BCAR3: variants seen among roughly 807,000 people sequenced by gnomAD.
The protein encoded by BCAR3 is breast cancer anti-estrogen resistance protein 3.
Under a neutral mutation model 80.1 loss-of-function variants are expected in BCAR3, and 37 were observed. The ratio of observed to expected loss-of-function variants is 0.46; its 90% confidence interval spans 0.36 to 0.61. The LOEUF is 0.61. Ranked by LOEUF, BCAR3 falls within the 20% of genes least tolerant of loss-of-function variation. The pLI, the probability that BCAR3 is intolerant of heterozygous loss-of-function variation, is 0.00. For missense variants in BCAR3, 978 were observed against 1,068.2 expected, an observed-to-expected ratio of 0.92 and a Z score of 1.18; for synonymous variants, 389 against 418.9, an observed-to-expected ratio of 0.93 and a Z score of 0.87.
intron 2 of BCAR3, among the ~76,000 whole-genome samples, chr1:93,836,258 C>G (rs1654763032): frequency 6.6e-6 from 1 of 152,154 alleles, no homozygotes; most frequent in Non-Finnish European, 1.5e-5. Flanking sequence ...AACTGCATCC[C>G]CAAAACTTGG....
At chr1:93,802,170 T>C (rs755661677) in intron 2 of BCAR3, among the ~76,000 whole-genome samples, 6 of 150,268 alleles carry the variant, frequency 4.0e-5, no homozygotes, top group Non-Finnish European at 8.9e-5. Flanking sequence ...ATTAGCCAGG[T>C]GTGGTGATGT....
intron 2 of BCAR3, among the ~76,000 whole-genome samples, chr1:93,717,766 C>T (rs372991161): frequency 2.3e-4 from 35 of 151,218 alleles, no homozygotes; most frequent in African/African-American, 8.5e-4. Context: ...CTGTGCGCAA[C>T]CAGATTCCTG....
chr1:93,698,474 G>A (rs891654596), intron 3 of BCAR3, among the ~76,000 whole-genome samples: 1 of 152,150 alleles, frequency 6.6e-6, no homozygotes, highest in Admixed American at 6.5e-5. Context: ...TCAGCCCATT[G>A]AGATGCTTCC....
chr1:93,649,708 T>A (rs1459430098), intron 2 of BCAR3, among the ~76,000 whole-genome samples: 2 of 152,080 alleles, frequency 1.3e-5, no homozygotes, highest in Non-Finnish European at 2.9e-5. Context: ...TTGCCTTTTG[T>A]GATATGACGA....
chr1:93,745,136 A>C (rs1217105781), intron 2 of BCAR3, among the ~76,000 whole-genome samples: 1 of 152,228 alleles, frequency 6.6e-6, no homozygotes, highest in African/African-American at 2.4e-5. Context: ...CAGTGATGGA[A>C]AGTCTCCCAG....
intron 2 of BCAR3, among the ~76,000 whole-genome samples, chr1:93,654,885 G>T (rs914364188): frequency 6.6e-6 from 1 of 151,940 alleles, no homozygotes; most frequent in African/African-American, 2.4e-5. Context: ...TGCTAATCTG[G>T]CTTTATTTTT....
intron 2 of BCAR3, among the ~76,000 whole-genome samples, chr1:93,647,827 C>A (rs1676191585): frequency 6.6e-6 from 1 of 151,804 alleles, no homozygotes; most frequent in Admixed American, 6.6e-5. Flanking sequence ...GGCTAGAGTG[C>A]AATGGTGTGA....
At chr1:93,748,589 C>T (rs1014137948) in intron 2 of BCAR3, among the ~76,000 whole-genome samples, 1 of 152,122 alleles carries the variant, frequency 6.6e-6, no homozygotes, top group African/African-American at 2.4e-5. Context: ...GGAAGTAGCC[C>T]CTTTGGTCAC....
chr1:93,562,469 G>A (rs112944040), intron 11 of BCAR3, 50 bp from the exon 12 acceptor site: 1 of 1,568,846 alleles, frequency 6.4e-7, no homozygotes, highest in Non-Finnish European at 8.7e-7. Flanking sequence ...CCTAAGATGT[G>A]TTAAAAATAG....
intron 2 of BCAR3, among the ~76,000 whole-genome samples, chr1:93,814,548 A>G (rs369906001): frequency 7.2e-5 from 11 of 152,356 alleles, no homozygotes; most frequent in African/African-American, 2.2e-4. Context: ...AAAACCTCCA[A>G]TGGGCTTGGG....
intron 2 of BCAR3, among the ~76,000 whole-genome samples, chr1:93,840,023 T>C (rs1045939428): frequency 1.3e-5 from 2 of 152,112 alleles, no homozygotes; most frequent in African/African-American, 4.8e-5. Flanking sequence ...GAGGGCATTA[T>C]TTTCAAATTT....
Position 93,834,763 on chromosome 1 carries a change from C to T in BCAR3, c.-63+10804G>A, listed in dbSNP as rs537587702. ...CACATCTGATGCACATACTTTCTGC[C>T]CTCTGGCTCCTTCGGCTAAACTCAC... On this transcript the variant is annotated intron_variant, in intron 2 of 13. Transcript: ENST00000370244. Among the ~76,000 whole-genome samples the T allele has an allele frequency of 2.0e-5, 3 of 152,294 alleles. No homozygotes were observed. The South Asian group carries it at 6.2e-4, about 32-fold the overall frequency.
intron 2 of BCAR3, among the ~76,000 whole-genome samples, chr1:93,647,866 G>A (rs527498438): frequency 5.9e-5 from 9 of 151,944 alleles, no homozygotes; most frequent in Admixed American, 1.3e-4. Flanking sequence ...TCTGCCTCCC[G>A]GGTTCAAGCG....
At chr1:93,721,285 C>G (rs1314104773) in intron 2 of BCAR3, among the ~76,000 whole-genome samples, 1 of 152,038 alleles carries the variant, frequency 6.6e-6, no homozygotes, top group Non-Finnish European at 1.5e-5. Context: ...GGAACAGAAT[C>G]CTCAAGAACA....
At chr1:93,622,222 A>G (rs75118103) in intron 3 of BCAR3, among the ~76,000 whole-genome samples, 1,797 of 152,246 alleles carry the variant, frequency 0.012, 38 homozygotes, top group African/African-American at 0.041. Context: ...TCTACAGAGA[A>G]CTTTTACCAT....
At chr1:93,716,966 G>C (rs1367388812) in intron 2 of BCAR3, among the ~76,000 whole-genome samples, 1 of 152,242 alleles carries the variant, frequency 6.6e-6, no homozygotes, top group Non-Finnish European at 1.5e-5. Context: ...ACAACACTTT[G>C]CAGTTCTATC....
At chr1:93,734,140 G>T (rs1650898182) in intron 2 of BCAR3, among the ~76,000 whole-genome samples, 1 of 152,196 alleles carries the variant, frequency 6.6e-6, no homozygotes, top group Non-Finnish European at 1.5e-5. Context: ...GGTGTCTTAT[G>T]TGCCTCATCT....
chr1:93,783,482 T>C (rs527594196), intron 2 of BCAR3, among the ~76,000 whole-genome samples: 9 of 152,084 alleles, frequency 5.9e-5, no homozygotes, highest in African/African-American at 2.2e-4. Context: ...GCAAAAAGCA[T>C]AAATATATAG....
intron 3 of BCAR3, among the ~76,000 whole-genome samples, chr1:93,636,151 TG>T (rs1277479798): frequency 6.6e-6 from 1 of 152,202 alleles, no homozygotes; most frequent in Non-Finnish European, 1.5e-5. Flanking sequence ...AGAAGACCCT[TG>T]GGGAAGGAGA....
Sources: gnomAD v4.1 joint callset for allele counts (sites outside exome capture counted in the v4.1 genomes callset) on GRCh38, gnomAD v4.1.1 for gene constraint, MANE v1.5 for transcripts, NCBI Gene and HGNC (gene_info 2026-07-23, HGNC 2026-07-21) for gene names.